BAZ2B: variants seen among roughly 807,000 people sequenced by gnomAD.
The protein encoded by BAZ2B is bromodomain adjacent to zinc finger domain protein 2B.
A neutral mutation model predicts 246.0 loss-of-function variants in BAZ2B; 91 were observed. The observed-to-expected ratio is 0.37, with a 90% CI of 0.31 to 0.44. The LOEUF (loss-of-function observed/expected upper bound fraction) is 0.44, where lower values mean the gene tolerates loss of function less well. Ranked by LOEUF, BAZ2B falls within the 20% of genes least tolerant of loss-of-function variation. The probability of loss-of-function intolerance (pLI) is 1.00; values close to 1 mark genes in which losing one functional copy is unlikely to be tolerated. For missense variants in BAZ2B, 2,332 were observed against 2,533.7 expected (o/e 0.92, Z 1.71); for synonymous variants, 855 against 860.0 (o/e 0.99, Z 0.10).
chr2:159,325,205 A>G (rs992860735), intron 35 of BAZ2B, among the ~76,000 whole-genome samples: 3 of 136,880 alleles, frequency 2.2e-5, no homozygotes, highest in Non-Finnish European at 4.7e-5. Flanking sequence ...ATCTCGGCTC[A>G]CTACAACCCC....
chr2:159,490,282 T>C (rs548939260), intron 2 of BAZ2B, among the ~76,000 whole-genome samples: 6 of 152,290 alleles, frequency 3.9e-5, no homozygotes, highest in African/African-American at 1.4e-4. Flanking sequence ...TGTTACACTT[T>C]TCAATCCAAG....
At chr2:159,467,069 C>T (rs754562975) in intron 3 of BAZ2B, among the ~76,000 whole-genome samples, 13 of 152,078 alleles carry the variant, frequency 8.5e-5, no homozygotes, top group Non-Finnish European at 1.8e-4. Flanking sequence ...ATTTTCCAGA[C>T]AGAGGGACAG....
chr2:159,360,212 G>A (rs1000061846), intron 27 of BAZ2B, among the ~76,000 whole-genome samples: 4 of 152,152 alleles, frequency 2.6e-5, no homozygotes, highest in African/African-American at 7.2e-5. Flanking sequence ...AAATCCCATC[G>A]TCTCAGCCCA....
intron 1 of BAZ2B, among the ~76,000 whole-genome samples, chr2:159,600,255 G>C (rs1691830124): frequency 6.6e-6 from 1 of 152,070 alleles, no homozygotes; most frequent in Non-Finnish European, 1.5e-5. Flanking sequence ...CCTTTTGGGG[G>C]TGATCAGGAA....
At chr2:159,391,940 T>C (rs561356323) in intron 20 of BAZ2B, among the ~76,000 whole-genome samples, 1 of 152,310 alleles carries the variant, frequency 6.6e-6, no homozygotes, top group African/African-American at 2.4e-5. Context: ...ATACAAATTC[T>C]GTGGTTATGG....
In BAZ2B at chr2:159,465,006, A is replaced by G. The variant is rs148731529; in HGVS notation, c.146-11205T>C. On this transcript the variant is annotated intron_variant, in intron 3 of 36. Transcript: ENST00000392783. Reference sequence around the variant, plus strand: ...TTATTACAATCAGCTTTGAAAGTATAGACTGGGTGTATTAGTTTGCTAGAG... The same window carrying G: ...TTATTACAATCAGCTTTGAAAGTATGGACTGGGTGTATTAGTTTGCTAGAG... Among the ~76,000 whole-genome samples, 5 of 152,360 alleles carry G rather than the reference A, an allele frequency of 3.3e-5. No homozygotes were observed. In the East Asian group the frequency reaches 7.7e-4, roughly 24 times the overall value.
At chr2:159,411,935 T>C in intron 14 of BAZ2B, 1 of 985,332 alleles carries the variant, frequency 1.0e-6, no homozygotes, top group Non-Finnish European at 1.2e-6. Context: ...GACTGAAAAT[T>C]TACTCCACAG....
chr2:159,611,131 A>T (rs1694636497), intron 1 of BAZ2B, among the ~76,000 whole-genome samples: 1 of 152,016 alleles, frequency 6.6e-6, no homozygotes, highest in Non-Finnish European at 1.5e-5. Flanking sequence ...TTGAACTTTT[A>T]AAATGACCTT....
intron 13 of BAZ2B, among the ~76,000 whole-genome samples, chr2:159,414,177 T>C (rs1576734974): frequency 6.6e-6 from 1 of 152,328 alleles, no homozygotes; most frequent in East Asian, 1.9e-4. Context: ...AGGTAAGTTT[T>C]GCATGTTCTC....
Position 159,438,376 on chromosome 2 carries a change from T to C in BAZ2B, c.1220A>G (p.Asp407Gly), listed in dbSNP as rs2072800782. ...TYMKLIVPSP[D>G]VLKAGNKNTS... ...ATTTTTATTCCCTGCTTTAAGAACA[T>C]CAGGAGAAGGAACTATGAGTTTCAT... Residue 407 changes from aspartate to glycine, a missense_variant, in exon 8 of 37, where the codon GAT (aspartate) becomes GGT (glycine). Physicochemically the swap from Asp to Gly is moderately conservative, Grantham distance 94. Transcript: ENST00000392783. The C allele has an allele frequency of 9.9e-6, 16 of 1,613,968 alleles. No homozygotes were observed. The highest frequency in any genetic ancestry group is 1.4e-5 in the Non-Finnish European group (16 of 1,179,932).
chr2:159,332,593 T>C lies in BAZ2B; in HGVS notation c.5890A>G (p.Lys1964Glu). The C allele has an allele frequency of 6.2e-7, 1 of 1,614,104 alleles. No individual in the cohort carries two copies. The highest frequency in any genetic ancestry group is 8.5e-7 in the Non-Finnish European group (1 of 1,179,980). ...TCTCCATCTGGGATTGTTGTAATCT[T>C]GGGTCTATGGCAGTAGGTATGACAG... The part of the protein sequence containing the change: ...KGCHTYCHRP[K>E]ITTIPDGDWF... The change falls in exon 34 of 37, where the codon AAG becomes GAG. Residue 1964 changes from lysine to glutamate, a missense_variant. Coordinates refer to ENST00000392783, the MANE Select transcript of BAZ2B (RefSeq NM_013450.4).
intron 3 of BAZ2B, among the ~76,000 whole-genome samples, chr2:159,475,870 G>A (rs965185271): frequency 6.6e-6 from 1 of 152,162 alleles, no homozygotes; most frequent in Non-Finnish European, 1.5e-5. Flanking sequence ...CACCAGTGGA[G>A]GGTGCAGAAC....
chr2:159,430,974 G>A lies in BAZ2B; in HGVS notation c.2083C>T (p.Leu695Phe), dbSNP rs1360783000. Residue 695 changes from leucine to phenylalanine, a missense_variant, in exon 10 of 37, where the codon CTC (leucine) becomes TTC (phenylalanine). This residue lies in a region of BAZ2B where 651 missense variants were observed against 650.9 expected (regional missense o/e 1.00). Coordinates refer to ENST00000392783, the MANE Select transcript of BAZ2B (RefSeq NM_013450.4). ...SLTGHSTPRN[L>F]HIAKAPGSAP... is the part of the protein sequence containing the mutation. ...GAGCCTGGGGCTTTTGCTATGTGGAGGTTACGAGGTGTTGAGTGACCTGTG... is the reference window on the plus strand; with the variant it reads ...GAGCCTGGGGCTTTTGCTATGTGGAAGTTACGAGGTGTTGAGTGACCTGTG... 1 of 1,614,038 alleles carries A rather than the reference G, an allele frequency of 6.2e-7. No homozygotes were observed. Among genetic ancestry groups the A allele is most frequent in the Non-Finnish European group, 8.5e-7 (1 of 1,179,922 alleles).
intron 1 of BAZ2B, among the ~76,000 whole-genome samples, chr2:159,557,789 C>T (rs2089374715): frequency 6.6e-6 from 1 of 152,092 alleles, no homozygotes; most frequent in South Asian, 2.1e-4. Flanking sequence ...AGCATTATGT[C>T]AAGAGCTACA....
chr2:159,433,369 G>A lies in BAZ2B; in HGVS notation c.1294-6C>T. 2 of 1,590,090 alleles carry A rather than the reference G, an allele frequency of 1.3e-6. No individual in the cohort carries two copies. The highest frequency in any genetic ancestry group is 1.7e-6 in the Non-Finnish European group (2 of 1,169,686). On this transcript the variant is annotated splice_polypyrimidine_tract_variant and splice_region_variant and intron_variant, in intron 8 of 36. Transcript: ENST00000392783. ...AATGCCTGTTTATATTGTTCCTGTT[G>A]AAACATAAGTTAAAAAACACAACAA... is the stretch of plus-strand genomic sequence containing the variant.
intron 2 of BAZ2B, among the ~76,000 whole-genome samples, chr2:159,547,875 C>T (rs1245415279): frequency 6.6e-6 from 1 of 152,080 alleles, no homozygotes; most frequent in Non-Finnish European, 1.5e-5. Flanking sequence ...TGTAACATTA[C>T]ACATTTTGAC....
intron 13 of BAZ2B, among the ~76,000 whole-genome samples, chr2:159,424,383 A>T (rs996286035): frequency 1.3e-5 from 2 of 152,088 alleles, no homozygotes; most frequent in African/African-American, 4.8e-5. Context: ...TGTAAATTAT[A>T]CTACTGGAAG....
chr2:159,711,957 C>A, the BAZ2B span: 2 of 152,260 alleles, frequency 1.3e-5, no homozygotes, highest in East Asian at 3.9e-4. Context: ...CAAACAGGCT[C>A]CAACTCTTAA....
At chr2:159,351,398 T>A (rs150706334) in intron 27 of BAZ2B, among the ~76,000 whole-genome samples, 9 of 152,336 alleles carry the variant, frequency 5.9e-5, no homozygotes, top group Non-Finnish European at 1.3e-4. Flanking sequence ...AATTATTCAC[T>A]ATTATAAACA....
Sources: allele counts gnomAD v4.1 joint callset (sites outside exome capture counted in the v4.1 genomes callset), GRCh38; gene constraint gnomAD v4.1.1; regional missense constraint gnomAD v4.1.1; transcripts MANE v1.5; gene names NCBI Gene and HGNC (gene_info 2026-07-23, HGNC 2026-07-21).